CDH13: variants seen among roughly 807,000 people sequenced by gnomAD.
The protein encoded by CDH13 is cadherin-13.
Under a neutral mutation model 63.8 loss-of-function variants are expected in CDH13, and 24 were observed. The observed-to-expected ratio is 0.38, with a 90% CI of 0.27 to 0.53. The LOEUF is 0.53. Among genes scored for constraint, CDH13 ranks in the 20% least tolerant of loss-of-function variants. The pLI, the probability that CDH13 is intolerant of heterozygous loss-of-function variation, is 0.85. For missense variants in CDH13, 1,049 were observed against 903.1 expected, an observed-to-expected ratio of 1.16 and a Z score of -2.07; for synonymous variants, 503 against 355.3, an observed-to-expected ratio of 1.42 and a Z score of -4.67.
chr16:83,790,204 C>A (rs1019062127), intron 13 of CDH13: 1 of 152,110 alleles, frequency 6.6e-6, no homozygotes, highest in African/African-American at 2.4e-5. Context: ...TGACTGCCTC[C>A]CTTACAGAAA....
intron 5 of CDH13, among the ~76,000 whole-genome samples, chr16:83,280,651 C>A (rs2089142060): frequency 1.3e-5 from 2 of 151,818 alleles, no homozygotes; most frequent in Non-Finnish European, 2.9e-5. Context: ...TTGCCCAGAT[C>A]CATCAAAGAA....
At chr16:83,110,058 T>G (rs1429864039) in intron 3 of CDH13, among the ~76,000 whole-genome samples, 1 of 152,248 alleles carries the variant, frequency 6.6e-6, no homozygotes, top group East Asian at 1.9e-4. Flanking sequence ...GTTGACATTT[T>G]AGAGCAAATG....
intron 1 of CDH13, among the ~76,000 whole-genome samples, chr16:82,851,332 G>A (rs1001037287): frequency 5.9e-5 from 9 of 151,698 alleles, no homozygotes; most frequent in Non-Finnish European, 8.8e-5. Flanking sequence ...CTACTCGGGA[G>A]ACTGAGTCTG....
intron 7 of CDH13, among the ~76,000 whole-genome samples, chr16:83,561,033 A>G (rs2075695818): frequency 6.6e-6 from 1 of 152,156 alleles, no homozygotes; most frequent in African/African-American, 2.4e-5. Flanking sequence ...GTTTTTCTTA[A>G]TTATTTAATT....
At chr16:82,874,183 C>G (rs1050170794) in intron 2 of CDH13, among the ~76,000 whole-genome samples, 2 of 152,128 alleles carry the variant, frequency 1.3e-5, no homozygotes, top group Admixed American at 6.5e-5. Context: ...CCACAAATAA[C>G]ATCATGTCAG....
intron 3 of CDH13, among the ~76,000 whole-genome samples, chr16:83,091,031 T>G (rs1231669968): frequency 6.6e-6 from 1 of 152,228 alleles, no homozygotes; most frequent in Non-Finnish European, 1.5e-5. Flanking sequence ...TATATAACAT[T>G]TTCTATGTTG....
intron 5 of CDH13, among the ~76,000 whole-genome samples, chr16:83,258,193 C>A (rs1205765911): frequency 6.6e-6 from 1 of 152,172 alleles, no homozygotes; most frequent in African/African-American, 2.4e-5. Context: ...ATTGATTTAG[C>A]TGGAAAGCAT....
At chr16:83,578,500 G>T (rs1462269139) in intron 7 of CDH13, among the ~76,000 whole-genome samples, 2 of 152,150 alleles carry the variant, frequency 1.3e-5, no homozygotes, top group African/African-American at 4.8e-5. Flanking sequence ...AGCAGAAGAG[G>T]TCACATTCCA....
At chr16:82,991,087 A>T (rs866698969) in intron 2 of CDH13, among the ~76,000 whole-genome samples, 1 of 152,322 alleles carries the variant, frequency 6.6e-6, no homozygotes, top group Middle Eastern at 3.4e-3. Context: ...TTGATTTGAT[A>T]AAGTCCAGAA....
In CDH13 at chr16:83,104,675, T is replaced by C. The variant is rs550581713; in HGVS notation, c.367-20710T>C. Among the ~76,000 whole-genome samples the C allele has an allele frequency of 2.1e-3, 315 of 152,158 alleles. 3 individuals carry two copies. Among genetic ancestry groups the C allele is most frequent in the South Asian group, 0.015 (73 of 4,808 alleles). ...ATTTAGGTTAAATATTGTGAATAAC[T>C]CCCCAAGCCGAATAATGTTGAATTT... On this transcript the variant is annotated intron_variant, in intron 3 of 13. Coordinates refer to ENST00000567109, the MANE Select transcript of CDH13 (RefSeq NM_001257.5).
intron 11 of CDH13, among the ~76,000 whole-genome samples, chr16:83,756,305 G>A (rs931384856): frequency 6.6e-6 from 1 of 152,164 alleles, no homozygotes; most frequent in African/African-American, 2.4e-5. Context: ...AATATTATCA[G>A]ACTATTTTTA....
Position 83,051,089 on chromosome 16 carries a change from C to T in CDH13, c.366+18871C>T, listed in dbSNP as rs148307736. Among the ~76,000 whole-genome samples, 12 of 152,280 alleles carry T rather than the reference C, an allele frequency of 7.9e-5. No homozygotes were observed. In the East Asian group the frequency reaches 9.6e-4, roughly 12 times the overall value. ...CTCCCTTTTCCTGTGATCCAATCTG[C>T]GTGCCTGTTACTATCTAATTGACTT... On this transcript the variant is annotated intron_variant, in intron 3 of 13. Transcript: ENST00000567109.
chr16:82,735,176 A>G (rs1184034500), intron 1 of CDH13, among the ~76,000 whole-genome samples: 3 of 152,222 alleles, frequency 2.0e-5, no homozygotes, highest in East Asian at 1.9e-4. Context: ...GATTCAGTCT[A>G]TGTTATTAAA....
intron 2 of CDH13, among the ~76,000 whole-genome samples, chr16:82,891,027 A>G (rs996072845): frequency 7.2e-6 from 1 of 138,420 alleles, no homozygotes; most frequent in Non-Finnish European, 1.5e-5. Flanking sequence ...ACATTAAGTC[A>G]TAGAGGAGGG....
At chr16:83,609,343 C>T (rs898717881) in intron 8 of CDH13, among the ~76,000 whole-genome samples, 2 of 152,144 alleles carry the variant, frequency 1.3e-5, no homozygotes, top group Admixed American at 6.5e-5. Flanking sequence ...TTGGGCAACC[C>T]AGAACTATGC....
chr16:82,858,282 A>T (rs1403965440), intron 1 of CDH13, 80 bp from the exon 2 acceptor site: 1 of 846,142 alleles, frequency 1.2e-6, no homozygotes. Context: ...GCTTGTTTCT[A>T]AAAGTTGCGG....
intron 5 of CDH13, among the ~76,000 whole-genome samples, chr16:83,302,876 GAAAATA>G (rs2089782392): frequency 6.6e-6 from 1 of 152,186 alleles, no homozygotes. Flanking sequence ...ACTTCAGTGA[GAAAATA>G]AATTTCATCA....
At chr16:83,311,044 C>T (rs2089988902) in intron 5 of CDH13, among the ~76,000 whole-genome samples, 2 of 152,224 alleles carry the variant, frequency 1.3e-5, no homozygotes, top group Non-Finnish European at 2.9e-5. Flanking sequence ...CACTTCCTTC[C>T]TGATGTAAAA....
intron 7 of CDH13, among the ~76,000 whole-genome samples, chr16:83,509,238 T>C (rs2074498009): frequency 2.6e-5 from 4 of 152,168 alleles, no homozygotes; most frequent in Admixed American, 6.5e-5. Context: ...TGGAAATGAC[T>C]CTTTACAGCA....
Sources: gnomAD v4.1 joint callset for allele counts (sites outside exome capture counted in the v4.1 genomes callset) on GRCh38, gnomAD v4.1.1 for gene constraint, MANE v1.5 for transcripts, NCBI Gene and HGNC (gene_info 2026-07-23, HGNC 2026-07-21) for gene names.